The following GALNT2 variants were observed in gnomAD, a reference collection of about 807,000 sequenced individuals.
The protein encoded by GALNT2 is polypeptide N-acetylgalactosaminyltransferase 2, also known as UDP-GalNAc:polypeptide N-acetylgalactosaminyltransferase 2.
A neutral mutation model predicts 81.4 loss-of-function variants in GALNT2; 31 were observed. That is an observed-to-expected ratio of 0.38 (90% CI 0.29 to 0.51). The LOEUF (loss-of-function observed/expected upper bound fraction) is 0.51, where lower values mean the gene tolerates loss of function less well. Ranked by LOEUF, GALNT2 falls within the 20% of genes least tolerant of loss-of-function variation. The pLI, the probability that GALNT2 is intolerant of heterozygous loss-of-function variation, is 0.87. For missense variants in GALNT2, 629 were observed against 765.7 expected, an observed-to-expected ratio of 0.82 and a Z score of 2.11; for synonymous variants, 303 against 287.4, an observed-to-expected ratio of 1.05 and a Z score of -0.55.
At chr1:230,058,031 G>C (rs1483845310) in exon 1 of GALNT2, 1 of 456,268 alleles carries the variant, frequency 2.2e-6, no homozygotes, top group Non-Finnish European at 4.4e-6. Flanking sequence ...GATCATCTAT[G>C]TGGAATGTGG....
chr1:230,113,206 G>C (rs779451062), intron 1 of GALNT2, among the ~76,000 whole-genome samples: 4 of 152,196 alleles, frequency 2.6e-5, no homozygotes, highest in Non-Finnish European at 4.4e-5. Flanking sequence ...GTTGATGCCA[G>C]AGCTGCCTGA....
intron 1 of GALNT2, among the ~76,000 whole-genome samples, chr1:230,089,088 G>A (rs1039209093): frequency 6.6e-6 from 1 of 151,492 alleles, no homozygotes; most frequent in African/African-American, 2.4e-5. Flanking sequence ...TTTCCCCCCC[G>A]ACAGTTTTTA....
At chr1:230,225,010 A>C (rs1664664374) in intron 3 of GALNT2, among the ~76,000 whole-genome samples, 1 of 152,232 alleles carries the variant, frequency 6.6e-6, no homozygotes, top group Non-Finnish European at 1.5e-5. Flanking sequence ...CCAGATTTTT[A>C]AGAAGCTTGA....
At chr1:230,186,157 G>A (rs1383492267) in intron 2 of GALNT2, among the ~76,000 whole-genome samples, 1 of 152,180 alleles carries the variant, frequency 6.6e-6, no homozygotes, top group Non-Finnish European at 1.5e-5. Context: ...TGCTTTGCTG[G>A]CAAGAGTGTT....
chr1:230,058,175 A>C (rs1441879595), intron 1 of GALNT2: 1 of 452,658 alleles, frequency 2.2e-6, no homozygotes, highest in Non-Finnish European at 4.4e-6. Context: ...CACTCCTGAC[A>C]CTGGCCTCCT....
chr1:230,276,935 G>A (rs190850672), intron 15 of GALNT2, among the ~76,000 whole-genome samples: 76 of 152,272 alleles, frequency 5.0e-4, no homozygotes, highest in African/African-American at 1.7e-3. Context: ...GGGATGTAAC[G>A]GAGCAGAGAT....
At chr1:230,067,494 C>G in intron 1 of GALNT2, 88 bp downstream of exon 1, 1 of 425,062 alleles carries the variant, frequency 2.4e-6, no homozygotes, top group Non-Finnish European at 3.5e-6. Context: ...GCCGCCCCTG[C>G]GCTCCTCCGC....
rs561056300 is a variant in GALNT2 at position 230,111,375 on chromosome 1, T to A, written c.126+43969T>A. 5.9e-5 allele frequency among the ~76,000 whole-genome samples: 9 copies of A among 152,364 alleles called. No homozygotes were observed. The South Asian group carries it at 6.2e-4, about 11-fold the overall frequency. On this transcript the variant is annotated intron_variant, in intron 1 of 15. Transcript: ENST00000366672. ...CATACACATGTGTGCATGGAACATATGCAGTACAACACAAGTGTGTTTGCA... is the reference window on the plus strand; with the variant it reads ...CATACACATGTGTGCATGGAACATAAGCAGTACAACACAAGTGTGTTTGCA...
chr1:230,067,819 T>C (rs1571921865), intron 1 of GALNT2, among the ~76,000 whole-genome samples: 2 of 151,474 alleles, frequency 1.3e-5, no homozygotes, highest in East Asian at 3.9e-4. Flanking sequence ...GAGAGAGGAG[T>C]CCAAGTTTCT....
At chr1:230,214,413 A>G (rs1448388248) in intron 3 of GALNT2, among the ~76,000 whole-genome samples, 3 of 152,170 alleles carry the variant, frequency 2.0e-5, no homozygotes, top group Non-Finnish European at 4.4e-5. Context: ...CGCCCGGCTT[A>G]CTTTTGTTTT....
intron 1 of GALNT2, among the ~76,000 whole-genome samples, chr1:230,104,319 G>A (rs529599438): frequency 6.6e-6 from 1 of 152,278 alleles, no homozygotes; most frequent in South Asian, 2.1e-4. Context: ...TATCTTCTGG[G>A]GTATTTGGGT....
At chr1:230,091,576 A>T (rs1660083086) in intron 1 of GALNT2, 1 of 152,182 alleles carries the variant, frequency 6.6e-6, no homozygotes, top group African/African-American at 2.4e-5. Flanking sequence ...AATTTATGAA[A>T]TTATTGTTTC....
At chr1:230,061,690 A>G (rs72758256) in intron 1 of GALNT2, among the ~76,000 whole-genome samples, 21 of 152,104 alleles carry the variant, frequency 1.4e-4, no homozygotes, top group African/African-American at 2.9e-4. Flanking sequence ...AGAAGCATCA[A>G]TTCTTCTCCT....
At chr1:230,277,361 A>C (rs1368719765) in intron 15 of GALNT2, among the ~76,000 whole-genome samples, 1 of 152,146 alleles carries the variant, frequency 6.6e-6, no homozygotes, top group Non-Finnish European at 1.5e-5. Context: ...AAGGTTCTTG[A>C]TTTAGCTGAT....
chr1:230,100,491 A>G (rs1026111716), intron 1 of GALNT2, among the ~76,000 whole-genome samples: 4 of 151,784 alleles, frequency 2.6e-5, no homozygotes, highest in Non-Finnish European at 5.9e-5. Context: ...ACACCCGGCT[A>G]ATTTTTGTAT....
At chr1:230,117,247 A>G (rs1193687504) in intron 1 of GALNT2, among the ~76,000 whole-genome samples, 5 of 152,198 alleles carry the variant, frequency 3.3e-5, no homozygotes, top group South Asian at 4.1e-4. Flanking sequence ...CTTGCTCTGG[A>G]TTAGGCTTTG....
chr1:230,244,414 G>A (rs1169999894), intron 7 of GALNT2, among the ~76,000 whole-genome samples: 1 of 152,012 alleles, frequency 6.6e-6, no homozygotes, highest in Non-Finnish European at 1.5e-5. Flanking sequence ...CCCTATCTGA[G>A]CCCCTCTCTT....
intron 3 of GALNT2, among the ~76,000 whole-genome samples, chr1:230,215,005 A>G (rs189922829): frequency 2.4e-4 from 36 of 152,294 alleles, no homozygotes; most frequent in African/African-American, 7.9e-4. Flanking sequence ...TTTTTCCTCC[A>G]AAGAGGATTT....
intron 3 of GALNT2, among the ~76,000 whole-genome samples, chr1:230,230,917 C>T (rs147994309): frequency 2.4e-4 from 36 of 152,306 alleles, no homozygotes; most frequent in African/African-American, 7.7e-4. Flanking sequence ...CTGTTGGCCA[C>T]ATCCCCTCTC....
Sources: allele counts gnomAD v4.1 joint callset (sites outside exome capture counted in the v4.1 genomes callset), GRCh38; gene constraint gnomAD v4.1.1; transcripts MANE v1.5; gene names NCBI Gene and HGNC (gene_info 2026-07-23, HGNC 2026-07-21).